CCNL2: variants seen among roughly 807,000 people sequenced by gnomAD.
CCNL2 encodes cyclin L2, also known as cyclin-L2.
CCNL2 carries 28 observed loss-of-function variants against 59.1 expected under a neutral mutation model. The observed-to-expected ratio is 0.47, with a 90% CI of 0.35 to 0.65. The LOEUF (loss-of-function observed/expected upper bound fraction) is 0.65. Ranked by LOEUF, CCNL2 falls within the 30% of genes least tolerant of loss-of-function variation. The pLI, the probability that CCNL2 is intolerant of heterozygous loss-of-function variation, is 0.00. For synonymous variants in CCNL2, 342 were observed against 288.6 expected, an observed-to-expected ratio of 1.19 and a Z score of -1.88; for missense variants, 714 against 717.4, an observed-to-expected ratio of 1.00 and a Z score of 0.05.
At chr1:1,396,751 T>C (rs1400376353) in intron 3 of CCNL2, among the ~76,000 whole-genome samples, 1 of 150,900 alleles carries the variant, frequency 6.6e-6, no homozygotes, top group African/African-American at 2.4e-5. Flanking sequence ...GGCTAATTTT[T>C]TTTTTATTTT....
At chr1:1,393,212 C>A in intron 5 of CCNL2, 184 bp downstream of exon 5, 1 of 612,790 alleles carries the variant, frequency 1.6e-6, no homozygotes, top group South Asian at 1.9e-5. Flanking sequence ...GGGCCACCTA[C>A]CGTGACTGCC....
At position 1,386,938 on chromosome 1, in the gene CCNL2, C is replaced by T; in HGVS notation, c.*293G>A. On this transcript the variant is annotated 3_prime_UTR_variant, in exon 11 of 11. Coordinates refer to ENST00000400809, the MANE Select transcript of CCNL2 (RefSeq NM_030937.6). ...CAGGCCACGCCAACAAGGGCGTGTGCATTCACTTTTTCATTGAGCTGCCCT... is the reference window on the plus strand; with the variant it reads ...CAGGCCACGCCAACAAGGGCGTGTGTATTCACTTTTTCATTGAGCTGCCCT... 2.7e-6 allele frequency: 1 copy of T among 369,696 alleles called. No homozygotes were observed. Among genetic ancestry groups the T allele is most frequent in the Non-Finnish European group, 4.9e-6 (1 of 205,390 alleles). 22.9% of individuals were successfully genotyped at this position (369,696 alleles called of 1,614,324 possible).
intron 3 of CCNL2, among the ~76,000 whole-genome samples, chr1:1,396,444 G>T (rs1050026909): frequency 4.6e-5 from 7 of 151,012 alleles, no homozygotes; most frequent in East Asian, 4.0e-4. Flanking sequence ...TTTTATATTT[G>T]TAGTAGAGAT....
chr1:1,386,899 G>T lies in CCNL2; in HGVS notation c.*332C>A. ...GGGGAGTGGAGAGCGGCTGCCGATAGCACCAGGCCATGCCAGGCCACGCCA... is the reference window on the plus strand; with the variant it reads ...GGGGAGTGGAGAGCGGCTGCCGATATCACCAGGCCATGCCAGGCCACGCCA... On this transcript the variant is annotated 3_prime_UTR_variant, in exon 11 of 11. Coordinates refer to ENST00000400809, the MANE Select transcript of CCNL2 (RefSeq NM_030937.6). 1 of 287,790 alleles carries T rather than the reference G, an allele frequency of 3.5e-6. No homozygotes were observed. The highest frequency in any genetic ancestry group is 6.5e-6 in the Non-Finnish European group (1 of 154,224). 17.8% of individuals were successfully genotyped at this position (287,790 alleles called of 1,614,324 possible). A position where few individuals can be genotyped will look rare whatever the true frequency, so the allele number is the denominator to read the frequency against.
At chr1:1,392,246 T>C in intron 5 of CCNL2, 1 of 820,076 alleles carries the variant, frequency 1.2e-6, no homozygotes, top group Non-Finnish European at 1.5e-6. Flanking sequence ...GTGATATTAA[T>C]CCACGAACTT....
chr1:1,398,092 G>T, intron 3 of CCNL2, 141 bp downstream of exon 3: 1 of 754,794 alleles, frequency 1.3e-6, no homozygotes, highest in East Asian at 2.7e-5. Flanking sequence ...CTCTGTTGGT[G>T]GAGCTTGAGA....
intron 1 of CCNL2, 114 bp from the exon 2 acceptor site, chr1:1,398,785 C>T (rs1272322812): frequency 3.6e-5 from 45 of 1,255,482 alleles, no homozygotes; most frequent in Non-Finnish European, 4.5e-5. Flanking sequence ...GAAACGCTTC[C>T]CACGTCCACA....
chr1:1,395,610 AC>A, intron 3 of CCNL2, 96 bp from the exon 4 acceptor site: 1 of 1,517,612 alleles, frequency 6.6e-7, no homozygotes, highest in Non-Finnish European at 9.0e-7. Flanking sequence ...CCTAACACAA[AC>A]CCCACAACAC....
rs753126298 is a variant in CCNL2, at chr1:1,387,589, GGAA to G, written c.1212-10_1212-8del. Reference sequence around the variant, plus strand: ...GGAGCCGCTGTCACTTTTCCTGGGAGGAAGAACAGCACCACCACACGTGTGACC... The same window carrying G: ...GGAGCCGCTGTCACTTTTCCTGGGAGGAACAGCACCACCACACGTGTGACC... On this transcript the variant is annotated splice_polypyrimidine_tract_variant and splice_region_variant and intron_variant, in intron 10 of 10. Coordinates refer to ENST00000400809, the MANE Select transcript of CCNL2 (RefSeq NM_030937.6). The G allele has an allele frequency of 6.8e-7, 1 of 1,478,886 alleles. No homozygotes were observed. Among genetic ancestry groups the G allele is most frequent in the Non-Finnish European group, 9.0e-7 (1 of 1,112,946 alleles). The allele number at this position is 1,478,886 out of a possible 1,614,324, so 91.6% of individuals were successfully genotyped here. A position where few individuals can be genotyped will look rare whatever the true frequency, so the allele number is the denominator to read the frequency against.
Position 1,387,209 on chromosome 1 carries a change from C to T in CCNL2, c.*22G>A, listed in dbSNP as rs1315282825. 20 of 1,581,006 alleles carry T rather than the reference C, an allele frequency of 1.3e-5. No homozygotes were observed. Among genetic ancestry groups the T allele is most frequent in the Non-Finnish European group, 1.6e-5 (19 of 1,164,418 alleles). Reference sequence around the variant, plus strand: ...TACTCCCCAGGGAAGGGCTTGCGGCCACCAGTCACTGCAACCCCGCCTCAC... The same window carrying T: ...TACTCCCCAGGGAAGGGCTTGCGGCTACCAGTCACTGCAACCCCGCCTCAC... On this transcript the variant is annotated 3_prime_UTR_variant, in exon 11 of 11. Coordinates refer to ENST00000400809, the MANE Select transcript of CCNL2 (RefSeq NM_030937.6).
Position 1,391,628 on chromosome 1 carries a change from T to C in CCNL2, c.660-763A>G, listed in dbSNP as rs1319056237. 3.7e-6 allele frequency: 4 copies of C among 1,075,714 alleles called. No individual in the cohort carries two copies. In the African/African-American group the frequency reaches 6.6e-5, roughly 18 times the overall value. 66.6% of individuals were successfully genotyped at this position (1,075,714 alleles called of 1,614,324 possible). A position where few individuals can be genotyped will look rare whatever the true frequency, so the allele number is the denominator to read the frequency against. On this transcript the variant is annotated intron_variant, in intron 5 of 10. Coordinates refer to ENST00000400809, the MANE Select transcript of CCNL2 (RefSeq NM_030937.6). Reference sequence around the variant, plus strand: ...AGCAACACAATACTGAGAAGCAACATGATACTGAGAAGCAACATAATACTG... The same window carrying C: ...AGCAACACAATACTGAGAAGCAACACGATACTGAGAAGCAACATAATACTG...
At chr1:1,393,266 C>T in intron 5 of CCNL2, 130 bp downstream of exon 5, 1 of 745,586 alleles carries the variant, frequency 1.3e-6, no homozygotes, top group Non-Finnish European at 2.4e-6. Context: ...ACAGCAGGAG[C>T]ACTGGGCACT....
In CCNL2 at chr1:1,395,574, C is replaced by A. The variant is rs571735027; in HGVS notation, c.474-60G>T. ...TCAAGCAGAGCAAGGCTTCTGAGAT[C>A]CCGTCGTTACCTCCAACTATGAGCA... On this transcript the variant is annotated intron_variant, in intron 3 of 10. Coordinates refer to ENST00000400809, the MANE Select transcript of CCNL2 (RefSeq NM_030937.6). The A allele has an allele frequency of 8.1e-6, 13 of 1,600,382 alleles. No individual in the cohort carries two copies. The Middle Eastern group carries it at 6.7e-4, about 82-fold the overall frequency.
intron 5 of CCNL2, chr1:1,392,273 A>C: frequency 1.1e-6 from 1 of 941,042 alleles, no homozygotes; most frequent in Non-Finnish European, 1.3e-6. Context: ...CTTAAAAACA[A>C]ATGAAATCTT....
chr1:1,391,497 GGGAGA>G, intron 5 of CCNL2: 1 of 1,295,998 alleles, frequency 7.7e-7, no homozygotes, highest in East Asian at 5.6e-5. Context: ...ATCGTGCGGA[GGGAGA>G]CTCCGCACCC....
intron 5 of CCNL2, 107 bp from the exon 6 acceptor site, chr1:1,390,972 G>A (rs1271001332): frequency 3.0e-6 from 3 of 1,005,418 alleles, no homozygotes; most frequent in African/African-American, 1.6e-5. Context: ...CCTCTAAGGA[G>A]TCTATTGCTA....
Position 1,387,430 on chromosome 1 carries a change from G to A in CCNL2, c.1364C>T (p.Pro455Leu), listed in dbSNP as rs780425685. The A allele has an allele frequency of 6.2e-7, 1 of 1,613,788 alleles. No individual in the cohort carries two copies. The highest frequency in any genetic ancestry group is 8.5e-7 in the Non-Finnish European group (1 of 1,179,962). The change falls in exon 11 of 11, where the codon CCC becomes CTC. Residue 455 changes from proline (P) to leucine (L), a missense_variant. This residue lies in a region of CCNL2 where 403 missense variants were observed against 377.7 expected (regional missense o/e 1.07). Coordinates refer to ENST00000400809, the MANE Select transcript of CCNL2 (RefSeq NM_030937.6). Reference protein sequence around the residue: ...GSRKSKDCKYPQKPHKSRSRS... With the variant: ...GSRKSKDCKYLQKPHKSRSRS... ...GCTCCGAGACTTGTGTGGCTTCTGG[G>A]GGTACTTGCAGTCCTTGGACTTCCG... is the stretch of plus-strand genomic sequence containing the variant.
chr1:1,392,273 A>G, intron 5 of CCNL2: 2 of 941,042 alleles, frequency 2.1e-6, no homozygotes, highest in Non-Finnish European at 2.5e-6. Context: ...CTTAAAAACA[A>G]ATGAAATCTT....
At position 1,398,361 on chromosome 1, in the gene CCNL2, A is replaced by C. The variant is rs201666127; in HGVS notation, c.364-19T>G. 1.2e-6 allele frequency: 2 copies of C among 1,613,986 alleles called. No individual in the cohort carries two copies. Among genetic ancestry groups the C allele is most frequent in the South Asian group, 2.2e-5 (2 of 91,068 alleles). On this transcript the variant is annotated intron_variant, in intron 2 of 10. Coordinates refer to ENST00000400809, the MANE Select transcript of CCNL2 (RefSeq NM_030937.6). ...ACACATGCTGAAGCGGAAGCATTGC[A>C]ACACGCCCATGTTTGTCCCCAGCCA...
Sources: allele counts gnomAD v4.1 joint callset (sites outside exome capture counted in the v4.1 genomes callset), GRCh38; gene constraint gnomAD v4.1.1; regional missense constraint gnomAD v4.1.1; transcripts MANE v1.5; gene names NCBI Gene and HGNC (gene_info 2026-07-23, HGNC 2026-07-21).